Variants in COL25A1 observed in about 807,000 individuals in gnomAD.
The protein encoded by COL25A1 is collagen alpha-1(XXV) chain.
COL25A1 carries 103 observed loss-of-function variants against 128.4 expected under a neutral mutation model. The observed-to-expected ratio is 0.80, with a 90% confidence interval of 0.68 to 0.94. The LOEUF is 0.94. Ranked by LOEUF, COL25A1 falls within the 40% of genes least tolerant of loss-of-function variation. COL25A1 has a pLI of 0.00. For synonymous variants in COL25A1, 279 were observed against 277.2 expected (o/e 1.01, Z -0.06); for missense variants, 745 against 840.0 (o/e 0.89, Z 1.40).
intron 19 of COL25A1, among the ~76,000 whole-genome samples, chr4:108,876,324 G>C (rs933398486): frequency 1.6e-4 from 24 of 151,540 alleles, no homozygotes; most frequent in African/African-American, 5.8e-4. Context: ...GAGAGGGAGA[G>C]AGGAAGACAA....
chr4:109,041,639 T>A (rs1759907843), intron 5 of COL25A1, among the ~76,000 whole-genome samples: 1 of 152,116 alleles, frequency 6.6e-6, no homozygotes, highest in Non-Finnish European at 1.5e-5. Flanking sequence ...TACATTTCTC[T>A]CCCTCTCTTA....
chr4:108,848,988 G>C (rs888743695), intron 26 of COL25A1, among the ~76,000 whole-genome samples, 185 bp from the exon 27 acceptor site: 1 of 152,064 alleles, frequency 6.6e-6, no homozygotes, highest in African/African-American at 2.4e-5. Flanking sequence ...TCAAGATTAT[G>C]TATAGTATTT....
chr4:108,834,425 G>A, intron 31 of COL25A1: 1 of 1,546,128 alleles, frequency 6.5e-7, no homozygotes, highest in Non-Finnish European at 8.7e-7. Context: ...GTTGGTGGGT[G>A]TAACACGAAT....
chr4:108,841,741 C>A lies in COL25A1; in HGVS notation c.1630-20G>T, dbSNP rs377527546. ...AGGTCCCTGAAAATGGAAAACAGAG[C>A]TTTTAATTAAGAATTGATTCCCTGT... On this transcript the variant is annotated intron_variant, in intron 30 of 37. Coordinates refer to ENST00000399132, the MANE Select transcript of COL25A1 (RefSeq NM_198721.4). 8 of 1,598,474 alleles carry A rather than the reference C, an allele frequency of 5.0e-6. No homozygotes were observed. The highest frequency in any genetic ancestry group is 1.1e-5 in the South Asian group (1 of 90,628).
chr4:108,992,042 T>C (rs915957966), intron 6 of COL25A1, among the ~76,000 whole-genome samples: 2 of 152,174 alleles, frequency 1.3e-5, no homozygotes, highest in Non-Finnish European at 2.9e-5. Flanking sequence ...CCTCCACTTC[T>C]TTTCAAGAGC....
In COL25A1 at chr4:109,247,074, A is replaced by G. The variant is rs557418124; in HGVS notation, c.367+53509T>C. ...ATAGAAAAAGGAAGTAAAGAAAGAT[A>G]AGCTTGAGGCTGGGTGTGGTGGTTC... is the stretch of plus-strand genomic sequence containing the variant. On this transcript the variant is annotated intron_variant, in intron 3 of 37. Coordinates refer to ENST00000399132, the MANE Select transcript of COL25A1 (RefSeq NM_198721.4). 1.4e-3 allele frequency among the ~76,000 whole-genome samples: 217 copies of G among 152,324 alleles called. 1 individual carries two copies. Among genetic ancestry groups the G allele is most frequent in the African/African-American group, 4.9e-3 (204 of 41,574 alleles).
intron 3 of COL25A1, among the ~76,000 whole-genome samples, chr4:109,059,654 T>C (rs1019767980): frequency 1.3e-5 from 2 of 152,204 alleles, no homozygotes; most frequent in East Asian, 3.9e-4. Flanking sequence ...ATGGCTCGTC[T>C]AAGGGGATGT....
intron 8 of COL25A1, among the ~76,000 whole-genome samples, chr4:108,947,802 G>A (rs573302898): frequency 6.6e-6 from 1 of 152,156 alleles, no homozygotes; most frequent in African/African-American, 2.4e-5. Context: ...GACAATGGCT[G>A]ATCATTGATC....
intron 6 of COL25A1, among the ~76,000 whole-genome samples, chr4:109,005,849 C>A (rs1755914233): frequency 1.3e-5 from 2 of 152,096 alleles, no homozygotes; most frequent in African/African-American, 2.4e-5. Context: ...TTTCCCAGAG[C>A]TAACAGCATG....
chr4:108,955,772 A>T (rs1750001370), intron 8 of COL25A1, among the ~76,000 whole-genome samples: 1 of 152,206 alleles, frequency 6.6e-6, no homozygotes, highest in African/African-American at 2.4e-5. Context: ...AAATGTGAAT[A>T]GTTGATAGAA....
At chr4:109,279,969 T>C (rs1375314086) in intron 3 of COL25A1, among the ~76,000 whole-genome samples, 1 of 152,212 alleles carries the variant, frequency 6.6e-6, no homozygotes, top group Non-Finnish European at 1.5e-5. Context: ...TACTGAAAGA[T>C]GAGGCAGGGT....
At chr4:109,166,971 T>C (rs1773131713) in intron 3 of COL25A1, among the ~76,000 whole-genome samples, 1 of 152,180 alleles carries the variant, frequency 6.6e-6, no homozygotes, top group South Asian at 2.1e-4. Flanking sequence ...TGGGAAAGAT[T>C]CATGTAAATA....
intron 3 of COL25A1, among the ~76,000 whole-genome samples, chr4:109,083,164 G>A (rs1409859978): frequency 6.6e-6 from 1 of 152,112 alleles, no homozygotes; most frequent in African/African-American, 2.4e-5. Flanking sequence ...ACAAATCTAA[G>A]TATTTGCCTA....
At chr4:108,845,609 T>C (rs1039650609) in intron 28 of COL25A1, among the ~76,000 whole-genome samples, 6 of 152,234 alleles carry the variant, frequency 3.9e-5, no homozygotes, top group Non-Finnish European at 8.8e-5. Flanking sequence ...CTGACATTTA[T>C]ATACTTCCTT....
chr4:109,254,618 T>G (rs1224938313), intron 3 of COL25A1, among the ~76,000 whole-genome samples: 1 of 151,048 alleles, frequency 6.6e-6, no homozygotes, highest in Non-Finnish European at 1.5e-5. Flanking sequence ...ACAGGAATGA[T>G]GATGTACTCA....
chr4:108,930,895 C>G (rs901430495), intron 11 of COL25A1, among the ~76,000 whole-genome samples: 1 of 152,144 alleles, frequency 6.6e-6, no homozygotes, highest in Non-Finnish European at 1.5e-5. Context: ...TACATTTGCC[C>G]TAAGTCTGCA....
Position 108,838,931 on chromosome 4 carries a change from C to T in COL25A1, c.1656+2764G>A, listed in dbSNP as rs142137229. ...CAGTATACCTATTTTCCATCAGTAA[C>T]GGCATGTTAGATATCAAGTTCTGAC... On this transcript the variant is annotated intron_variant, in intron 31 of 37. Coordinates refer to ENST00000399132, the MANE Select transcript of COL25A1 (RefSeq NM_198721.4). Among the ~76,000 whole-genome samples, 1,280 of 152,198 alleles carry T rather than the reference C, an allele frequency of 8.4e-3. 17 individuals carry two copies. The highest frequency in any genetic ancestry group is 0.029 in the African/African-American group (1,196 of 41,492).
At chr4:109,054,833 G>C (rs959104880) in intron 3 of COL25A1, among the ~76,000 whole-genome samples, 2 of 152,162 alleles carry the variant, frequency 1.3e-5, no homozygotes, top group Non-Finnish European at 2.9e-5. Context: ...GCACACTGGG[G>C]TAGGGAAGTC....
chr4:109,183,349 G>A (rs1774845282), intron 3 of COL25A1, among the ~76,000 whole-genome samples: 1 of 152,068 alleles, frequency 6.6e-6, no homozygotes. Context: ...AAAAAGTTTG[G>A]ACCCATACCA....
Sources: allele counts gnomAD v4.1 joint callset (sites outside exome capture counted in the v4.1 genomes callset), GRCh38; gene constraint gnomAD v4.1.1; transcripts MANE v1.5; gene names NCBI Gene and HGNC (gene_info 2026-07-23, HGNC 2026-07-21).